SULT1B1: variants seen among roughly 807,000 people sequenced by gnomAD.
SULT1B1 encodes the protein sulfotransferase family 1B member 1.
In SULT1B1, 28 loss-of-function variants were observed where a neutral mutation model predicts 34.6. The ratio of observed to expected loss-of-function variants is 0.81; its 90% CI spans 0.60 to 1.11. The LOEUF (loss-of-function observed/expected upper bound fraction) is 1.11, where lower values mean the gene tolerates loss of function less well. Among genes scored for constraint, SULT1B1 ranks in the 50% least tolerant of loss-of-function variants. SULT1B1 has a pLI of 0.00. For synonymous variants in SULT1B1, 147 were observed against 110.2 expected (o/e 1.33, Z -2.09); for missense variants, 374 against 352.2 (o/e 1.06, Z -0.50).
intron 4 of SULT1B1, among the ~76,000 whole-genome samples, chr4:69,735,730 TAA>T (rs1316201855): frequency 1.1e-4 from 17 of 152,172 alleles, no homozygotes; most frequent in African/African-American, 4.1e-4. Flanking sequence ...AATCAAATGT[TAA>T]GTTATCTGAC....
chr4:69,727,308 A>G, intron 7 of SULT1B1, 108 bp from the exon 8 acceptor site: 7 of 639,218 alleles, frequency 1.1e-5, no homozygotes, highest in Admixed American at 3.9e-5. Context: ...CCTTCCTTTT[A>G]TTTGAATGAA....
intron 4 of SULT1B1, among the ~76,000 whole-genome samples, chr4:69,743,173 A>G (rs995021105): frequency 6.6e-6 from 1 of 152,174 alleles, no homozygotes; most frequent in Non-Finnish European, 1.5e-5. Flanking sequence ...TCTGCCATGC[A>G]GCGGGTCTCA....
At position 69,721,798 on chromosome 4, in the gene SULT1B1, A is replaced by T. The variant is rs529191079; in HGVS notation, c.*5290T>A. On this transcript the variant is annotated 3_prime_UTR_variant, in exon 8 of 8. Coordinates refer to ENST00000310613, the MANE Select transcript of SULT1B1 (RefSeq NM_014465.4). ...TAGAAAATAGCCCTTTAGTTTATTAAGGAAAATTTCCATGGATGAGGAAAT... is the reference window on the plus strand; with the variant it reads ...TAGAAAATAGCCCTTTAGTTTATTATGGAAAATTTCCATGGATGAGGAAAT... 2.6e-5 allele frequency: 4 copies of T among 152,266 alleles called. No individual in the cohort carries two copies. Among genetic ancestry groups the T allele is most frequent in the Admixed American group, 6.5e-5 (1 of 15,272 alleles). 9.4% of individuals were successfully genotyped at this position (152,266 alleles called of 1,614,324 possible).
At chr4:69,741,663 T>C (rs1391068122) in intron 4 of SULT1B1, among the ~76,000 whole-genome samples, 1 of 152,198 alleles carries the variant, frequency 6.6e-6, no homozygotes, top group African/African-American at 2.4e-5. Flanking sequence ...GAGATTACGT[T>C]TTGATTTGGC....
intron 3 of SULT1B1, among the ~76,000 whole-genome samples, chr4:69,753,069 T>G (rs1719039642): frequency 6.6e-6 from 1 of 152,226 alleles, no homozygotes; most frequent in East Asian, 1.9e-4. Flanking sequence ...TGTCCAATTA[T>G]GCTGAGCATT....
intron 3 of SULT1B1, among the ~76,000 whole-genome samples, chr4:69,754,075 C>T (rs1003920940): frequency 1.3e-5 from 2 of 152,112 alleles, no homozygotes; most frequent in African/African-American, 4.8e-5. Flanking sequence ...CCTTTATTAC[C>T]CACTTAAAGT....
chr4:69,732,821 A>C (rs1019705562), intron 6 of SULT1B1, among the ~76,000 whole-genome samples: 3 of 151,914 alleles, frequency 2.0e-5, no homozygotes, highest in Admixed American at 2.0e-4. Flanking sequence ...TAGATACACT[A>C]TCTGAACCAA....
intron 4 of SULT1B1, among the ~76,000 whole-genome samples, chr4:69,741,055 A>AT (rs1437721445): frequency 2.0e-5 from 3 of 152,078 alleles, no homozygotes; most frequent in East Asian, 1.9e-4. Flanking sequence ...TCTTCAGTTA[A>AT]TTTTTTGTAT....
chr4:69,729,909 A>G (rs1718000750), intron 7 of SULT1B1, among the ~76,000 whole-genome samples: 1 of 152,180 alleles, frequency 6.6e-6, no homozygotes, highest in Non-Finnish European at 1.5e-5. Flanking sequence ...AAGCCACAAT[A>G]AACAGACTAC....
rs1344357639 is a variant in SULT1B1 at position 69,725,183 on chromosome 4, AAAC to A, written c.*1902_*1904del. On this transcript the variant is annotated 3_prime_UTR_variant, in exon 8 of 8. Coordinates refer to ENST00000310613, the MANE Select transcript of SULT1B1 (RefSeq NM_014465.4). Reference sequence around the variant, plus strand: ...CTCAAACAAATTTACAAGAAAAAAAAAACAACCCCATCAACAAGTGTGCAAAGA... The same window carrying A: ...CTCAAACAAATTTACAAGAAAAAAAAAACCCCATCAACAAGTGTGCAAAGA... The A allele has an allele frequency of 6.6e-6, 1 of 151,972 alleles. No homozygotes were observed. The highest frequency in any genetic ancestry group is 1.5e-5 in the Non-Finnish European group (1 of 67,952). The allele number at this position is 151,972 out of a possible 1,614,324, so 9.4% of individuals were successfully genotyped here.
At chr4:69,743,196 G>T (rs1383936814) in intron 4 of SULT1B1, among the ~76,000 whole-genome samples, 1 of 152,140 alleles carries the variant, frequency 6.6e-6, no homozygotes, top group Non-Finnish European at 1.5e-5. Context: ...TTCTTGTCCT[G>T]CATTCAGGAA....
intron 4 of SULT1B1, among the ~76,000 whole-genome samples, chr4:69,742,900 C>A (rs566440762): frequency 1.2e-4 from 18 of 152,350 alleles, no homozygotes; most frequent in Non-Finnish European, 1.8e-4. Context: ...CAGCTCTCTG[C>A]AAGGCTGCAG....
At chr4:69,749,451 C>T (rs998108886) in intron 4 of SULT1B1, among the ~76,000 whole-genome samples, 22 of 152,110 alleles carry the variant, frequency 1.4e-4, no homozygotes, top group African/African-American at 5.1e-4. Context: ...TTACAGAAGG[C>T]CTGAAGATCT....
At position 69,739,570 on chromosome 4, in the gene SULT1B1, T is replaced by A. The variant is rs9994854; in HGVS notation, c.376-5306A>T. On this transcript the variant is annotated intron_variant, in intron 4 of 7. Transcript: ENST00000310613. ...CCCTGGGTCTGGCCTGTGAAACCAT[T>A]TTTTCTTCCTAGGCCTCTGGGCCTG... 2.0e-3 allele frequency among the ~76,000 whole-genome samples: 304 copies of A among 152,302 alleles called. 1 individual carries two copies. Among genetic ancestry groups the A allele is most frequent in the African/African-American group, 7.2e-3 (299 of 41,566 alleles).
At chr4:69,748,290 A>G (rs1165125209) in intron 4 of SULT1B1, among the ~76,000 whole-genome samples, 2 of 152,216 alleles carry the variant, frequency 1.3e-5, no homozygotes, top group East Asian at 1.9e-4. Context: ...GGCACATTAC[A>G]TAATGACAAA....
At chr4:69,731,851 G>C (rs1197665631) in intron 6 of SULT1B1, among the ~76,000 whole-genome samples, 1 of 152,132 alleles carries the variant, frequency 6.6e-6, no homozygotes, top group Non-Finnish European at 1.5e-5. Context: ...GACAGAAATG[G>C]TCTCAAATGT....
chr4:69,734,183 GA>G lies in SULT1B1; in HGVS notation c.456del (p.Pro153LeufsTer12). On this transcript the variant is annotated frameshift_variant, in exon 5 of 8. Transcript: ENST00000310613. LOFTEE classifies it high-confidence loss of function. ...TCCAGATATTCTTCCCAGGTACCAG[GA>G]AAAGGCTGTAAATTATTCATTAAGT... Reference protein sequence around the residue: ...HFDLMNNLQPFPGTWEEYLEK... With the variant: ...HFDLMNNLQPXPGTWEEYLEK... The G allele has an allele frequency of 6.2e-7, 1 of 1,610,872 alleles. No homozygotes were observed. The highest frequency in any genetic ancestry group is 1.1e-5 in the South Asian group (1 of 90,652).
In SULT1B1 at chr4:69,749,783, TC is replaced by T. The variant is rs1477699235; in HGVS notation, c.312del (p.Ile105LeufsTer2). 1 of 1,613,558 alleles carries T rather than the reference TC, an allele frequency of 6.2e-7. No homozygotes were observed. Among genetic ancestry groups the T allele is most frequent in the Non-Finnish European group, 8.5e-7 (1 of 1,179,694 alleles). ...IEQLEKNPSP[R>X]IVKTHLPTDL... ...TCAGTCGGTAGATGTGTTTTCACAA[TC>T]CGGGGTGATGGATTCTTCTCCAATT... On this transcript the variant is annotated frameshift_variant, in exon 4 of 8. Transcript: ENST00000310613. LOFTEE classifies it high-confidence loss of function.
chr4:69,740,276 G>GTTTA (rs1369505662), intron 4 of SULT1B1, among the ~76,000 whole-genome samples: 2 of 152,204 alleles, frequency 1.3e-5, no homozygotes, highest in Non-Finnish European at 2.9e-5. Flanking sequence ...AAGGAAAGAA[G>GTTTA]TTTAGTTGAC....
Sources: allele counts gnomAD v4.1 joint callset (sites outside exome capture counted in the v4.1 genomes callset), GRCh38; gene constraint gnomAD v4.1.1; transcripts MANE v1.5; gene names NCBI Gene and HGNC (gene_info 2026-07-23, HGNC 2026-07-21).